The following GABRB1 variants were observed in gnomAD, a reference collection of about 807,000 sequenced individuals.
GABRB1 encodes gamma-aminobutyric acid receptor subunit beta-1.
GABRB1 carries 17 observed loss-of-function variants against 51.6 expected under a neutral mutation model. That is an observed-to-expected ratio of 0.33 (90% confidence interval 0.23 to 0.49). The LOEUF (loss-of-function observed/expected upper bound fraction) is 0.49. Among genes scored for constraint, GABRB1 ranks in the 20% least tolerant of loss-of-function variants. The pLI, the probability that GABRB1 is intolerant of heterozygous loss-of-function variation, is 0.99. For synonymous variants in GABRB1, 247 were observed against 218.9 expected, an observed-to-expected ratio of 1.13 and a Z score of -1.14; for missense variants, 410 against 600.6, an observed-to-expected ratio of 0.68 and a Z score of 3.32.
At chr4:47,231,628 A>G (rs997585380) in intron 4 of GABRB1, among the ~76,000 whole-genome samples, 3 of 152,174 alleles carry the variant, frequency 2.0e-5, no homozygotes, top group African/African-American at 7.2e-5. Flanking sequence ...AACCCTGGAG[A>G]CAGACAATGA....
intron 4 of GABRB1, among the ~76,000 whole-genome samples, chr4:47,204,713 G>T (rs1176449410): frequency 6.6e-6 from 1 of 152,068 alleles, no homozygotes; most frequent in Non-Finnish European, 1.5e-5. Flanking sequence ...GCCTGCACAA[G>T]CTCTCTCTTT....
chr4:47,256,200 G>T (rs1299055744), intron 4 of GABRB1, among the ~76,000 whole-genome samples: 1 of 152,138 alleles, frequency 6.6e-6, no homozygotes, highest in Non-Finnish European at 1.5e-5. Flanking sequence ...GATAGAAAAA[G>T]CCCAGTTTGA....
chr4:47,392,249 T>C (rs55903835), intron 5 of GABRB1, among the ~76,000 whole-genome samples: 12,842 of 152,006 alleles, frequency 0.084, 585 homozygotes, highest in South Asian at 0.14. Context: ...AGAGGTGACT[T>C]CTTCAATTGC....
At chr4:47,350,212 T>G (rs544746065) in intron 5 of GABRB1, among the ~76,000 whole-genome samples, 11,446 of 83,930 alleles carry the variant, frequency 0.14, 626 homozygotes, top group East Asian at 0.18. Flanking sequence ...TATATATATA[T>G]ATATATAGAG....
chr4:47,326,838 T>A (rs189936447), intron 5 of GABRB1, among the ~76,000 whole-genome samples: 21 of 152,320 alleles, frequency 1.4e-4, no homozygotes, highest in East Asian at 3.9e-4. Context: ...CATTTTGTCA[T>A]AGCAATCCAA....
intron 3 of GABRB1, among the ~76,000 whole-genome samples, chr4:47,106,175 A>G (rs892364503): frequency 2.0e-5 from 3 of 152,124 alleles, no homozygotes; most frequent in African/African-American, 4.8e-5. Flanking sequence ...TGATCCATAC[A>G]GCAACATTTT....
intron 4 of GABRB1, 44 bp from the exon 5 acceptor site, chr4:47,320,083 A>G: frequency 7.8e-7 from 1 of 1,282,410 alleles, no homozygotes; most frequent in Middle Eastern, 1.8e-4. Flanking sequence ...ATGAAATGTC[A>G]TCACTTTTGT....
intron 3 of GABRB1, among the ~76,000 whole-genome samples, chr4:47,136,929 G>T (rs941036481): frequency 6.6e-6 from 1 of 152,046 alleles, no homozygotes; most frequent in South Asian, 2.1e-4. Context: ...AGAAGGCAAA[G>T]TTTTCAACTT....
At chr4:47,237,062 A>G (rs1165847559) in intron 4 of GABRB1, among the ~76,000 whole-genome samples, 1 of 152,134 alleles carries the variant, frequency 6.6e-6, no homozygotes, top group Non-Finnish European at 1.5e-5. Flanking sequence ...TATAATTTCA[A>G]CAATAATAAA....
At chr4:47,335,298 C>T (rs1398648111) in intron 5 of GABRB1, among the ~76,000 whole-genome samples, 1 of 152,100 alleles carries the variant, frequency 6.6e-6, no homozygotes, top group Non-Finnish European at 1.5e-5. Flanking sequence ...ATGAACTCCC[C>T]TATTCTTGTT....
At chr4:47,123,547 A>G (rs1350196674) in intron 3 of GABRB1, among the ~76,000 whole-genome samples, 2 of 82,136 alleles carry the variant, frequency 2.4e-5, no homozygotes, top group African/African-American at 9.9e-5. Context: ...ATATTATAAT[A>G]TATTATATAT....
At chr4:47,300,383 G>A (rs1724211643) in intron 4 of GABRB1, among the ~76,000 whole-genome samples, 1 of 152,026 alleles carries the variant, frequency 6.6e-6, no homozygotes, top group South Asian at 2.1e-4. Flanking sequence ...TTATCTTCAA[G>A]CTGACATATC....
chr4:47,400,687 A>G (rs1404281172), intron 5 of GABRB1, among the ~76,000 whole-genome samples: 1 of 151,910 alleles, frequency 6.6e-6, no homozygotes, highest in Admixed American at 6.6e-5. Flanking sequence ...TGTACATTGT[A>G]CCTAATATGT....
chr4:47,291,479 G>A (rs1723729198), intron 4 of GABRB1, among the ~76,000 whole-genome samples: 1 of 152,210 alleles, frequency 6.6e-6, no homozygotes, highest in South Asian at 2.1e-4. Context: ...GTGAAGCTGT[G>A]AGAAGAGGGC....
chr4:46,997,559 CTATT>C (rs1724039266), intron 1 of GABRB1, among the ~76,000 whole-genome samples: 1 of 151,998 alleles, frequency 6.6e-6, no homozygotes, highest in Non-Finnish European at 1.5e-5. Flanking sequence ...ATGTACTTGA[CTATT>C]TATAGATTCC....
chr4:47,190,243 A>G (rs916877696), intron 4 of GABRB1, among the ~76,000 whole-genome samples: 6 of 152,114 alleles, frequency 3.9e-5, no homozygotes, highest in African/African-American at 1.4e-4. Flanking sequence ...AATAATTGTT[A>G]TGTGTCATAA....
intron 3 of GABRB1, among the ~76,000 whole-genome samples, chr4:47,067,828 A>G (rs1727153553): frequency 6.6e-6 from 1 of 152,070 alleles, no homozygotes; most frequent in Admixed American, 6.6e-5. Flanking sequence ...CCCATCACCT[A>G]GGTACTAAGC....
At chr4:47,145,276 G>A (rs1414722640) in intron 3 of GABRB1, among the ~76,000 whole-genome samples, 6 of 151,902 alleles carry the variant, frequency 3.9e-5, no homozygotes, top group African/African-American at 1.4e-4. Context: ...GCAGCTACAC[G>A]CAATTTCATT....
chr4:47,227,367 T>G (rs1212148816), intron 4 of GABRB1, among the ~76,000 whole-genome samples: 2 of 152,174 alleles, frequency 1.3e-5, no homozygotes, highest in African/African-American at 2.4e-5. Context: ...TTTCATATAG[T>G]TAACCATGTT....
Sources: allele counts gnomAD v4.1 joint callset (sites outside exome capture counted in the v4.1 genomes callset), GRCh38; gene constraint gnomAD v4.1.1; transcripts MANE v1.5; gene names NCBI Gene and HGNC (gene_info 2026-07-23, HGNC 2026-07-21).